NRROS: variants seen among roughly 807,000 people sequenced by gnomAD.
NRROS encodes transforming growth factor beta activator LRRC33.
In NRROS, 6 loss-of-function variants were observed where a neutral mutation model predicts 12.0. The ratio of observed to expected loss-of-function variants is 0.50; its 90% confidence interval spans 0.27 to 0.98. NRROS has a LOEUF of 0.98. Ranked by LOEUF, NRROS falls within the 50% of genes least tolerant of loss-of-function variation. The pLI is 0.11. For synonymous variants in NRROS, 462 were observed against 410.2 expected, an observed-to-expected ratio of 1.13 and a Z score of -1.53; for missense variants, 857 against 888.2, an observed-to-expected ratio of 0.96 and a Z score of 0.45.
At position 196,644,883 on chromosome 3, in the gene NRROS, C is replaced by T. The variant is rs1737278754; in HGVS notation, c.-14+5008C>T. The stretch of plus-strand genomic sequence containing the variant: ...TGGGAGGACTACTTGAGGCTGGGAG[C>T]TTGAGGCTGTAGTGTGCTACAATCC... On this transcript the variant is annotated intron_variant, in intron 1 of 2. Transcript: ENST00000328557. Among the ~76,000 whole-genome samples, 7 of 151,492 alleles carry T rather than the reference C, an allele frequency of 4.6e-5. No individual in the cohort carries two copies. The South Asian group carries it at 1.5e-3, about 32-fold the overall frequency.
rs1246993880 is a variant in NRROS at position 196,660,295 on chromosome 3, C to G, written c.652C>G (p.Pro218Ala). Residue 218 changes from proline (P) to alanine (A), a missense_variant, in exon 3 of 3, where the codon CCC becomes GCC. Pro to Ala is a conservative substitution (Grantham distance 27, BLOSUM62 -1). Transcript: ENST00000328557. The surrounding 1 kb of genome is among the most constrained non-coding windows in gnomAD (Gnocchi z 7.7). ...RHLNLAFNNL[P>A]CIVDFGLTRL... ...CCTCAACCTGGCCTTCAACAACCTC[C>G]CCTGCATCGTGGACTTCGGGCTCAC... is the stretch of plus-strand genomic sequence containing the variant. The G allele has an allele frequency of 3.1e-6, 5 of 1,613,908 alleles. No homozygotes were observed. The highest frequency in any genetic ancestry group is 1.3e-5 in the African/African-American group (1 of 74,942).
intron 1 of NRROS, among the ~76,000 whole-genome samples, chr3:196,647,451 G>GTAGAATTCTAAA (rs1737333784): frequency 6.6e-6 from 1 of 152,236 alleles, no homozygotes; most frequent in African/African-American, 2.4e-5. Flanking sequence ...AATGTTTGTT[G>GTAGAATTCTAAA]TTCTAATCCT....
intron 1 of NRROS, among the ~76,000 whole-genome samples, chr3:196,645,315 C>T (rs762245955): frequency 3.2e-4 from 48 of 152,186 alleles, no homozygotes; most frequent in African/African-American, 5.5e-4. Flanking sequence ...AGTCAAGGGT[C>T]GCAGGCATCC....
chr3:196,658,937 T>C (rs1254090253), intron 2 of NRROS, among the ~76,000 whole-genome samples: 2 of 152,138 alleles, frequency 1.3e-5, no homozygotes, highest in Non-Finnish European at 2.9e-5. Context: ...ACCATTGCAC[T>C]CCAGCCTGGG....
chr3:196,643,258 A>G (rs1159899887), intron 1 of NRROS, among the ~76,000 whole-genome samples: 4 of 152,222 alleles, frequency 2.6e-5, no homozygotes, highest in Non-Finnish European at 5.9e-5. Context: ...GAGCGAACGG[A>G]GTCAGGTGCT....
intron 1 of NRROS, among the ~76,000 whole-genome samples, chr3:196,646,148 A>T (rs541088545): frequency 7.9e-5 from 12 of 152,294 alleles, no homozygotes; most frequent in African/African-American, 2.9e-4. Context: ...CCATCAAGGC[A>T]AGTGCTGTCC....
chr3:196,642,664 A>G (rs1289431938), intron 1 of NRROS, among the ~76,000 whole-genome samples: 1 of 152,198 alleles, frequency 6.6e-6, no homozygotes, highest in African/African-American at 2.4e-5. Flanking sequence ...CCCTGGAACC[A>G]GGAGCTGGGA....
intron 2 of NRROS, among the ~76,000 whole-genome samples, chr3:196,658,698 G>A (rs1577635858): frequency 6.6e-6 from 1 of 152,188 alleles, no homozygotes; most frequent in Non-Finnish European, 1.5e-5. Flanking sequence ...GGGCACGGTG[G>A]CTCACGCCTG....
At chr3:196,648,795 A>T (rs1737358504) in intron 1 of NRROS, among the ~76,000 whole-genome samples, 1 of 145,874 alleles carries the variant, frequency 6.9e-6, no homozygotes, top group Non-Finnish European at 1.5e-5. Flanking sequence ...AAAAAATTCC[A>T]ACATCCACTC....
At chr3:196,655,893 G>T (rs1336990931) in intron 2 of NRROS, among the ~76,000 whole-genome samples, 1 of 152,056 alleles carries the variant, frequency 6.6e-6, no homozygotes, top group Non-Finnish European at 1.5e-5. Flanking sequence ...ACATATTTAG[G>T]CCAGGTGCAT....
chr3:196,646,492 C>T (rs1737314209), intron 1 of NRROS, among the ~76,000 whole-genome samples: 1 of 152,180 alleles, frequency 6.6e-6, no homozygotes, highest in African/African-American at 2.4e-5. Context: ...TTTATTAAGA[C>T]CTGTGGCCAG....
chr3:196,651,088 C>T (rs114172522), intron 1 of NRROS, among the ~76,000 whole-genome samples: 32 of 152,256 alleles, frequency 2.1e-4, no homozygotes, highest in African/African-American at 4.3e-4. Flanking sequence ...GGATGAGTCA[C>T]GGGATTTTGC....
chr3:196,644,453 A>T (rs1273038182), intron 1 of NRROS, among the ~76,000 whole-genome samples: 2 of 151,932 alleles, frequency 1.3e-5, no homozygotes, highest in Non-Finnish European at 2.9e-5. Flanking sequence ...TATTTAAAGG[A>T]AAGTATATCA....
chr3:196,658,720 CT>C (rs1287921185), intron 2 of NRROS, among the ~76,000 whole-genome samples: 9 of 152,132 alleles, frequency 5.9e-5, no homozygotes, highest in Non-Finnish European at 1.0e-4. Flanking sequence ...AATCCCAGCA[CT>C]TTTGGGAGGC....
chr3:196,645,841 C>A (rs974486165), intron 1 of NRROS, among the ~76,000 whole-genome samples: 1 of 152,194 alleles, frequency 6.6e-6, no homozygotes, highest in Non-Finnish European at 1.5e-5. Context: ...AGGGTCCACA[C>A]GCTGCAGCTC....
In NRROS at chr3:196,660,324, G is replaced by T; in HGVS notation, c.681G>T (p.Arg227=). 6.2e-7 allele frequency: 1 copy of T among 1,614,022 alleles called. No individual in the cohort carries two copies. Among genetic ancestry groups the T allele is most frequent in the Non-Finnish European group, 8.5e-7 (1 of 1,180,012 alleles). The change falls in exon 3 of 3, where the codon CGG becomes CGT. Residue 227 remains arginine (R), a synonymous_variant. Transcript: ENST00000328557. This position sits in a 1 kb window ranked among gnomAD's most constrained non-coding sequence, Gnocchi z 7.7. ...LPCIVDFGLT[R]LRVLNVSYNV... is the part of the protein sequence containing the mutation. ...GCATCGTGGACTTCGGGCTCACGCG[G>T]CTGCGGGTCCTCAACGTCAGCTACA...
In NRROS at chr3:196,648,709, T is replaced by C. The variant is rs571249938; in HGVS notation, c.-13-5818T>C. On this transcript the variant is annotated intron_variant, in intron 1 of 2. Transcript: ENST00000328557. Reference sequence around the variant, plus strand: ...TGAACCCGGGAGGCGGAGGTTGCAATGAGCCGAGATTATGCCATTGCACTC... The same window carrying C: ...TGAACCCGGGAGGCGGAGGTTGCAACGAGCCGAGATTATGCCATTGCACTC... 5.3e-5 allele frequency among the ~76,000 whole-genome samples: 7 copies of C among 131,980 alleles called. 1 individual carries two copies. The highest frequency in any genetic ancestry group is 2.8e-4 in the Admixed American group (3 of 10,862). The allele number at this position is 131,980 out of a possible 152,430, so 86.6% of individuals were successfully genotyped here.
Position 196,660,198 on chromosome 3 carries a change from G to A in NRROS, c.555G>A (p.Glu185=), listed in dbSNP as rs1321882771. 3.7e-6 allele frequency: 6 copies of A among 1,613,126 alleles called. No homozygotes were observed. The Admixed American group carries it at 1.0e-4, about 27-fold the overall frequency. The change falls in exon 3 of 3, where the codon GAG becomes GAA. Residue 185 remains glutamate (E), a synonymous_variant. Transcript: ENST00000328557. This position sits in a 1 kb window ranked among gnomAD's most constrained non-coding sequence, Gnocchi z 7.7. ...TCGAGGGCCTGGAGCGTCTCCGGGA[G>A]CTGGATCTGCAGAGGAACTACATCT... The part of the protein sequence containing the change: ...SVFEGLERLR[E]LDLQRNYIFE...
intron 2 of NRROS, among the ~76,000 whole-genome samples, 163 bp from the exon 3 acceptor site, chr3:196,659,589 A>G (rs1046907563): frequency 1.3e-5 from 2 of 152,044 alleles, no homozygotes; most frequent in African/African-American, 4.8e-5. Flanking sequence ...GATTACAGGC[A>G]TGAACCACCG....
Sources: gnomAD v4.1 joint callset for allele counts (sites outside exome capture counted in the v4.1 genomes callset) on GRCh38, gnomAD v4.1.1 for gene constraint, Gnocchi (gnomAD v3.1) non-coding constraint, MANE v1.5 for transcripts, NCBI Gene and HGNC (gene_info 2026-07-23, HGNC 2026-07-21) for gene names.